Variants in TSC22D1 observed in about 807,000 individuals in gnomAD.
TSC22D1 encodes the protein TSC22 domain family protein 1.
Under a neutral mutation model 74.2 loss-of-function variants are expected in TSC22D1, and 9 were observed. The observed-to-expected ratio is 0.12, with a 90% confidence interval of 0.07 to 0.21. TSC22D1 has a LOEUF of 0.21. Ranked by LOEUF, TSC22D1 falls within the 10% of genes least tolerant of loss-of-function variation. The pLI, the probability that TSC22D1 is intolerant of heterozygous loss-of-function variation, is 1.00. For synonymous variants in TSC22D1, 586 were observed against 492.5 expected (o/e 1.19, Z -2.51); for missense variants, 1,427 against 1,304.7 (o/e 1.09, Z -1.44).
chr13:44,477,304 A>G (rs1877964601), intron 1 of TSC22D1, among the ~76,000 whole-genome samples: 1 of 152,192 alleles, frequency 6.6e-6, no homozygotes, highest in Non-Finnish European at 1.5e-5. Flanking sequence ...ACTATATTAG[A>G]CTATCCTAGT....
intron 1 of TSC22D1, chr13:44,436,737 A>C: frequency 1.3e-6 from 2 of 1,489,290 alleles, no homozygotes; most frequent in Admixed American, 4.8e-5. Flanking sequence ...GAAACAGAAA[A>C]CGGCAGCCCT....
intron 1 of TSC22D1, among the ~76,000 whole-genome samples, chr13:44,455,068 A>G (rs1163552176): frequency 1.3e-5 from 2 of 152,228 alleles, no homozygotes; most frequent in Non-Finnish European, 2.9e-5. Flanking sequence ...GGGCTGAAAA[A>G]GTAAACAAGA....
intron 1 of TSC22D1, among the ~76,000 whole-genome samples, chr13:44,481,829 G>C (rs1878191662): frequency 6.6e-6 from 1 of 152,096 alleles, no homozygotes; most frequent in Non-Finnish European, 1.5e-5. Flanking sequence ...AAAGTCGGTG[G>C]GGGACATGCA....
Position 44,573,286 on chromosome 13 carries a change from C to T in TSC22D1, c.2789G>A (p.Gly930Asp). 6.2e-7 allele frequency: 1 copy of T among 1,614,234 alleles called. No homozygotes were observed. The highest frequency in any genetic ancestry group is 1.1e-5 in the South Asian group (1 of 91,090). ...AACTGCTGACATTCCCCCACTGTCACCACTGATAGTCTGAGGTAAGCCAAC... is the reference window on the plus strand; with the variant it reads ...AACTGCTGACATTCCCCCACTGTCATCACTGATAGTCTGAGGTAAGCCAAC... ...SLVGLPQTIS[G>D]DSGGMSAVSD... The change falls in exon 1 of 3, where the codon GGT becomes GAT. Residue 930 changes from glycine to aspartate, a missense_variant. By Grantham distance (94) the Gly-to-Asp change is moderately conservative (BLOSUM62 -1). Transcript: ENST00000458659.
chr13:44,432,275 T>C lies in TSC22D1; in HGVS notation c.*2351A>G, dbSNP rs1194363675. 1.3e-5 allele frequency: 2 copies of C among 152,180 alleles called. No homozygotes were observed. Among genetic ancestry groups the C allele is most frequent in the African/African-American group, 4.8e-5 (2 of 41,440 alleles). The allele number at this position is 152,180 out of a possible 1,614,324, so 9.4% of individuals were successfully genotyped here. A position where few individuals can be genotyped will look rare whatever the true frequency, so the allele number is the denominator to read the frequency against. On this transcript the variant is annotated 3_prime_UTR_variant, in exon 3 of 3. Coordinates refer to ENST00000458659, the MANE Select transcript of TSC22D1 (RefSeq NM_183422.4). Reference sequence around the variant, plus strand: ...AATGGAGAAAAAAACTTCTCCACCATCTTAATACACTGACATGAGATTTTT... The same window carrying C: ...AATGGAGAAAAAAACTTCTCCACCACCTTAATACACTGACATGAGATTTTT...
At chr13:44,460,532 G>T (rs551274547) in intron 1 of TSC22D1, among the ~76,000 whole-genome samples, 1 of 152,220 alleles carries the variant, frequency 6.6e-6, no homozygotes, top group African/African-American at 2.4e-5. Flanking sequence ...TGTCTTTAAA[G>T]AGAACCACCT....
chr13:44,446,935 A>C (rs1453081873), intron 1 of TSC22D1, among the ~76,000 whole-genome samples: 5 of 152,078 alleles, frequency 3.3e-5, no homozygotes, highest in Non-Finnish European at 5.9e-5. Flanking sequence ...TTGTAGTAAA[A>C]AACACATAAA....
intron 1 of TSC22D1, among the ~76,000 whole-genome samples, chr13:44,524,439 A>G (rs1367142593): frequency 6.6e-6 from 1 of 152,248 alleles, no homozygotes. Context: ...CAACAACTGG[A>G]AGAAAAACTT....
chr13:44,534,371 A>C (rs866467143), intron 1 of TSC22D1, among the ~76,000 whole-genome samples: 2,121 of 151,700 alleles, frequency 0.014, 59 homozygotes, highest in African/African-American at 0.049. Context: ...TAAAAAAAAA[A>C]AAAAAAAAAA....
chr13:44,569,827 A>G (rs1883633865), intron 1 of TSC22D1, among the ~76,000 whole-genome samples: 1 of 152,216 alleles, frequency 6.6e-6, no homozygotes, highest in African/African-American at 2.4e-5. Flanking sequence ...ACTTTAAATC[A>G]TGACAAAAAA....
chr13:44,536,926 G>GAAAAAAAAAAAAAAAAAAAAACAAAAAA (rs1881163830), intron 1 of TSC22D1: 1 of 471,296 alleles, frequency 2.1e-6, no homozygotes, highest in Non-Finnish European at 2.4e-6. Context: ...GTATTTTTCT[G>GAAAAAAAAAAAAAAAAAAAAACAAAAAA]AAAAAAAAAA....
rs191179383 is a variant in TSC22D1 at position 44,557,743 on chromosome 13, T to C, written c.2912+15420A>G. 8.5e-5 allele frequency among the ~76,000 whole-genome samples: 13 copies of C among 152,328 alleles called. No individual in the cohort carries two copies. In the East Asian group the frequency reaches 1.7e-3, roughly 20 times the overall value. ...ACTTTAAAAGTATTTTAATAGAATT[T>C]TAATTTGATTGCATTAAGCTTATAA... On this transcript the variant is annotated intron_variant, in intron 1 of 2. Transcript: ENST00000458659.
At chr13:44,501,409 G>A (rs779566447) in intron 1 of TSC22D1, among the ~76,000 whole-genome samples, 7 of 152,108 alleles carry the variant, frequency 4.6e-5, no homozygotes, top group Non-Finnish European at 8.8e-5. Context: ...AGTGCAAGGT[G>A]GGGAACAAAT....
chr13:44,562,852 A>C (rs1460383854), intron 1 of TSC22D1, among the ~76,000 whole-genome samples: 5 of 152,154 alleles, frequency 3.3e-5, no homozygotes, highest in African/African-American at 1.2e-4. Flanking sequence ...CATGCCCGTA[A>C]TCCCAACACT....
intron 1 of TSC22D1, among the ~76,000 whole-genome samples, chr13:44,534,797 T>C (rs1428045889): frequency 6.6e-6 from 1 of 152,196 alleles, no homozygotes; most frequent in African/African-American, 2.4e-5. Flanking sequence ...TTCTAGATTT[T>C]AATACAAACA....
intron 1 of TSC22D1, among the ~76,000 whole-genome samples, chr13:44,516,610 T>C (rs1879998358): frequency 6.6e-6 from 1 of 152,144 alleles, no homozygotes; most frequent in African/African-American, 2.4e-5. Flanking sequence ...AGCAAACTAA[T>C]ATTACAAGTG....
At chr13:44,453,909 CAT>C (rs1253373787) in intron 1 of TSC22D1, among the ~76,000 whole-genome samples, 1 of 152,158 alleles carries the variant, frequency 6.6e-6, no homozygotes, top group Non-Finnish European at 1.5e-5. Flanking sequence ...AAAGTTAAAA[CAT>C]AAAGGATTAA....
At chr13:44,447,736 A>C (rs1595083846) in intron 1 of TSC22D1, among the ~76,000 whole-genome samples, 1 of 151,908 alleles carries the variant, frequency 6.6e-6, no homozygotes, top group Middle Eastern at 3.2e-3. Context: ...AATTCTAGAA[A>C]CAATTTTAAG....
At chr13:44,524,170 C>A (rs1038340811) in intron 1 of TSC22D1, among the ~76,000 whole-genome samples, 1 of 152,018 alleles carries the variant, frequency 6.6e-6, no homozygotes, top group African/African-American at 2.4e-5. Context: ...ACTTCTAAGT[C>A]GTGGGACTCA....
Sources: gnomAD v4.1 joint callset for allele counts (sites outside exome capture counted in the v4.1 genomes callset) on GRCh38, gnomAD v4.1.1 for gene constraint, MANE v1.5 for transcripts, NCBI Gene and HGNC (gene_info 2026-07-23, HGNC 2026-07-21) for gene names.